Variants in SLC5A12 observed in about 807,000 individuals in gnomAD.
The protein encoded by SLC5A12 is solute carrier family 5 member 12.
SLC5A12 carries 46 observed loss-of-function variants against 72.7 expected under a neutral mutation model. The ratio of observed to expected loss-of-function variants is 0.63; its 90% CI spans 0.50 to 0.81. The LOEUF is 0.81. Among genes scored for constraint, SLC5A12 ranks in the 30% least tolerant of loss-of-function variants. SLC5A12 has a pLI of 0.00. For missense variants in SLC5A12, 683 were observed against 740.7 expected (o/e 0.92, Z 0.90); for synonymous variants, 275 against 264.4 (o/e 1.04, Z -0.39).
chr11:26,673,631 T>A (rs1490800331), intron 13 of SLC5A12, 102 bp from the exon 14 acceptor site: 3 of 1,400,858 alleles, frequency 2.1e-6, no homozygotes, highest in Non-Finnish European at 2.8e-6. Context: ...CTTTTTAGAA[T>A]AAGAGTGAAA....
intron 7 of SLC5A12, 80 bp downstream of exon 7, chr11:26,698,326 A>T (rs376607281): frequency 9.7e-6 from 15 of 1,540,064 alleles, no homozygotes; most frequent in Middle Eastern, 2.3e-4. Flanking sequence ...GAAGAAAAAG[A>T]GAAAGGCCAA....
In SLC5A12 at chr11:26,719,611, G is replaced by A. The variant is rs74806626; in HGVS notation, c.339+1765C>T. On this transcript the variant is annotated intron_variant, in intron 1 of 14. Coordinates refer to ENST00000396005, the MANE Select transcript of SLC5A12 (RefSeq NM_178498.4). ...TTCTTTGCTGTCCTTCAACATGCCAGTCACACTCCTTTTCTAGGGCCTTTG... is the reference window on the plus strand; with the variant it reads ...TTCTTTGCTGTCCTTCAACATGCCAATCACACTCCTTTTCTAGGGCCTTTG... Among the ~76,000 whole-genome samples the A allele has an allele frequency of 6.7e-3, 1,016 of 152,244 alleles. 21 individuals carry two copies. Among genetic ancestry groups the A allele is most frequent in the African/African-American group, 0.023 (966 of 41,536 alleles).
Position 26,670,549 on chromosome 11 carries a change from G to T in SLC5A12, c.*553C>A, listed in dbSNP as rs1178697107. 1 of 152,106 alleles carries T rather than the reference G, an allele frequency of 6.6e-6. No individual in the cohort carries two copies. The highest frequency in any genetic ancestry group is 1.9e-4 in the East Asian group (1 of 5,180). The allele number at this position is 152,106 out of a possible 1,614,324, so 9.4% of individuals were successfully genotyped here. The stretch of plus-strand genomic sequence containing the variant: ...ACTGGAAGAGGACCTGACAGTGGTG[G>T]TGAAGGGAGGTTAATAGTAGTTGTA... On this transcript the variant is annotated 3_prime_UTR_variant, in exon 15 of 15. Coordinates refer to ENST00000396005, the MANE Select transcript of SLC5A12 (RefSeq NM_178498.4).
chr11:26,717,387 A>T (rs532371845), intron 1 of SLC5A12, among the ~76,000 whole-genome samples: 1 of 152,206 alleles, frequency 6.6e-6, no homozygotes, highest in African/African-American at 2.4e-5. Context: ...AACTAGATTT[A>T]TGAGTGTATG....
chr11:26,701,893 G>A (rs1854966120), intron 6 of SLC5A12, among the ~76,000 whole-genome samples: 2 of 152,198 alleles, frequency 1.3e-5, no homozygotes, highest in South Asian at 4.1e-4. Flanking sequence ...CGTTTAGTAA[G>A]CACAAAGCAT....
intron 11 of SLC5A12, among the ~76,000 whole-genome samples, chr11:26,682,869 GTGCTGCAAAGACCCGAA>G (rs796659983): frequency 3.9e-5 from 6 of 152,198 alleles, no homozygotes; most frequent in African/African-American, 1.4e-4. Flanking sequence ...TGCTTGGGAA[GTGCTGCAAAGACCCGAA>G]TGCTCGCTAC....
intron 10 of SLC5A12, among the ~76,000 whole-genome samples, chr11:26,685,450 T>A (rs768619691): frequency 2.6e-5 from 4 of 151,826 alleles, no homozygotes; most frequent in African/African-American, 4.8e-5. Context: ...CGAAACTCCA[T>A]CTCTACTAAA....
intron 7 of SLC5A12, among the ~76,000 whole-genome samples, chr11:26,697,951 G>A (rs1854864046): frequency 7.2e-6 from 1 of 138,770 alleles, no homozygotes; most frequent in South Asian, 2.4e-4. Context: ...AGGCTGGAGT[G>A]CAGTGGCACG....
chr11:26,688,116 A>T (rs183746753), intron 9 of SLC5A12, among the ~76,000 whole-genome samples: 1 of 152,276 alleles, frequency 6.6e-6, no homozygotes, highest in African/African-American at 2.4e-5. Context: ...CTCCCCACAA[A>T]ATCTTTATCC....
At chr11:26,700,567 A>G (rs927006777) in intron 6 of SLC5A12, among the ~76,000 whole-genome samples, 2 of 151,190 alleles carry the variant, frequency 1.3e-5, no homozygotes, top group Non-Finnish European at 2.9e-5. Flanking sequence ...AGATATGGGG[A>G]AAATAAACTA....
Position 26,692,489 on chromosome 11 carries a change from A to G in SLC5A12, c.1153T>C (p.Cys385Arg), listed in dbSNP as rs1854704401. The change falls in exon 9 of 15, where the codon TGT becomes CGT. Residue 385 changes from cysteine (C) to arginine (R), a missense_variant and splice_region_variant. Physicochemically the swap from Cys to Arg is radical, Grantham distance 180 (BLOSUM62 -3). Transcript: ENST00000396005. The part of the protein sequence containing the change: ...KLSTWISKGL[C>R]LLFGVMCTSM... ...TAGAAAGTCCACCAGCTGTACCTAC[A>G]TAAGCCTTTACTGATCCAGGTGCTC... 4.4e-6 allele frequency: 7 copies of G among 1,602,196 alleles called. No individual in the cohort carries two copies. Among genetic ancestry groups the G allele is most frequent in the Non-Finnish European group, 6.0e-6 (7 of 1,169,124 alleles).
rs552652015 is a variant in SLC5A12 at position 26,702,694 on chromosome 11, C to A, written c.821+837G>T. On this transcript the variant is annotated intron_variant, in intron 6 of 14. Transcript: ENST00000396005. ...CAGAACAAGCAGACCAGGAAAGAGT[C>A]AGAGCAGCTGAGTTCCACTGTGGCT... Among the ~76,000 whole-genome samples the A allele has an allele frequency of 2.9e-4, 44 of 152,230 alleles. No homozygotes were observed. The South Asian group carries it at 8.7e-3, about 30-fold the overall frequency.
At chr11:26,687,785 T>C (rs1854573220) in intron 9 of SLC5A12, among the ~76,000 whole-genome samples, 1 of 152,208 alleles carries the variant, frequency 6.6e-6, no homozygotes, top group African/African-American at 2.4e-5. Context: ...ACTTCAAGAT[T>C]GATCACTAAG....
chr11:26,706,786 A>C (rs1855099745), intron 4 of SLC5A12, among the ~76,000 whole-genome samples: 1 of 150,868 alleles, frequency 6.6e-6, no homozygotes, highest in Non-Finnish European at 1.5e-5. Flanking sequence ...TTTTTTCTAA[A>C]TTTCAAAATG....
chr11:26,686,408 G>A (rs911282429), intron 10 of SLC5A12, 69 bp downstream of exon 10: 27 of 1,403,500 alleles, frequency 1.9e-5, no homozygotes, highest in Non-Finnish European at 2.5e-5. Flanking sequence ...GGAGGAAGAA[G>A]CAAGACATTA....
intron 12 of SLC5A12, among the ~76,000 whole-genome samples, chr11:26,680,418 T>TATATATATGTATATATA (rs1854384166): frequency 8.4e-6 from 1 of 119,140 alleles, no homozygotes; most frequent in Non-Finnish European, 1.8e-5. Flanking sequence ...TATTTCCTCA[T>TATATATATGTATATATA]TTTTCCATCA....
chr11:26,681,056 T>C lies in SLC5A12; in HGVS notation c.1474A>G (p.Arg492Gly). The C allele has an allele frequency of 6.3e-7, 1 of 1,594,334 alleles. No homozygotes were observed. Among genetic ancestry groups the C allele is most frequent in the Non-Finnish European group, 8.5e-7 (1 of 1,170,686 alleles). Reference protein sequence around the residue: ...TATGPPVLSSRPGIADTWYSI... With the variant: ...TATGPPVLSSGPGIADTWYSI... ...GCACCATCTATAAAGTCAGCATACC[T>C]GCTGGATAGTACTGGAGGCCCTGTT... is the stretch of plus-strand genomic sequence containing the variant. Residue 492 changes from arginine (R) to glycine (G), a missense_variant and splice_region_variant, in exon 12 of 15, where the codon AGA (arginine) becomes GGA (glycine). Coordinates refer to ENST00000396005, the MANE Select transcript of SLC5A12 (RefSeq NM_178498.4).
chr11:26,684,005 A>G (rs957696651), intron 10 of SLC5A12, among the ~76,000 whole-genome samples, 162 bp from the exon 11 acceptor site: 3 of 149,864 alleles, frequency 2.0e-5, no homozygotes, highest in Non-Finnish European at 1.5e-5. Flanking sequence ...TTCTGGGATG[A>G]ATGATAAGCA....
chr11:26,698,657 A>C (rs61877327), intron 6 of SLC5A12, 122 bp from the exon 7 acceptor site: 63,814 of 860,000 alleles, frequency 0.074, 2,860 homozygotes, highest in Middle Eastern at 0.09. Flanking sequence ...AAAATTCTAT[A>C]GCCTTTAAGA....
Sources: gnomAD v4.1 joint callset for allele counts (sites outside exome capture counted in the v4.1 genomes callset) on GRCh38, gnomAD v4.1.1 for gene constraint, MANE v1.5 for transcripts, NCBI Gene and HGNC (gene_info 2026-07-23, HGNC 2026-07-21) for gene names.